The following NRXN1 variants were observed in gnomAD, a reference collection of about 807,000 sequenced individuals.
NRXN1 encodes neurexin 1.
Under a neutral mutation model 150.9 loss-of-function variants are expected in NRXN1, and 39 were observed. The ratio of observed to expected loss-of-function variants is 0.26; its 90% CI spans 0.20 to 0.34. The LOEUF is 0.34. Ranked by LOEUF, NRXN1 falls within the 10% of genes least tolerant of loss-of-function variation. The pLI, the probability that NRXN1 is intolerant of heterozygous loss-of-function variation, is 1.00. For missense variants in NRXN1, 1,815 were observed against 1,949.9 expected (o/e 0.93, Z 1.30); for synonymous variants, 924 against 757.0 (o/e 1.22, Z -3.62).
At chr2:50,973,883 G>A (rs1258241036) in intron 2 of NRXN1, among the ~76,000 whole-genome samples, 1 of 152,006 alleles carries the variant, frequency 6.6e-6, no homozygotes. Context: ...TGTAGTGACT[G>A]ATTCAATTAA....
At chr2:50,681,151 GCA>G (rs1280102863) in intron 5 of NRXN1, among the ~76,000 whole-genome samples, 1 of 152,180 alleles carries the variant, frequency 6.6e-6, no homozygotes, top group East Asian at 1.9e-4. Context: ...GGCAGATAAT[GCA>G]CAGACTCTAA....
At chr2:50,371,550 A>T (rs1016465717) in intron 17 of NRXN1, among the ~76,000 whole-genome samples, 4 of 152,084 alleles carry the variant, frequency 2.6e-5, no homozygotes, top group African/African-American at 9.7e-5. Flanking sequence ...TAAGTGATTT[A>T]TTCAGAGTTG....
intron 19 of NRXN1, among the ~76,000 whole-genome samples, chr2:50,056,564 A>G (rs1393796226): frequency 1.3e-5 from 2 of 152,142 alleles, no homozygotes; most frequent in East Asian, 3.9e-4. Context: ...GTTTTGTTAA[A>G]CTAATAATTT....
chr2:50,057,344 T>C (rs935755218), intron 19 of NRXN1, among the ~76,000 whole-genome samples: 2 of 152,190 alleles, frequency 1.3e-5, no homozygotes, highest in East Asian at 3.9e-4. Context: ...CTCTCCCTTG[T>C]TCCCACCTCA....
At chr2:50,940,183 G>T (rs769442530) in intron 2 of NRXN1, among the ~76,000 whole-genome samples, 1 of 151,962 alleles carries the variant, frequency 6.6e-6, no homozygotes, top group Non-Finnish European at 1.5e-5. Context: ...TTATTTAAAA[G>T]ATAAGAAAAC....
intron 17 of NRXN1, among the ~76,000 whole-genome samples, chr2:50,403,253 G>C (rs1278031125): frequency 6.6e-6 from 1 of 152,128 alleles, no homozygotes; most frequent in Non-Finnish European, 1.5e-5. Flanking sequence ...GGGTAAAGGA[G>C]ATTAAGGTGC....
At position 49,949,004 on chromosome 2, in the gene NRXN1, G is replaced by A. The variant is rs72885889; in HGVS notation, c.4129-5213C>T. ...GTAAGCATCTCTTCTTGTTGAAAAT[G>A]TGCACTAAAATCTAAGTCTCTATAC... On this transcript the variant is annotated intron_variant, in intron 21 of 22. Transcript: ENST00000401669. Among the ~76,000 whole-genome samples the A allele has an allele frequency of 5.7e-3, 868 of 152,132 alleles. 7 individuals carry two copies. Among genetic ancestry groups the A allele is most frequent in the African/African-American group, 0.02 (839 of 41,552 alleles).
intron 18 of NRXN1, among the ~76,000 whole-genome samples, chr2:50,202,821 T>A (rs1355372687): frequency 6.6e-6 from 1 of 152,108 alleles, no homozygotes. Context: ...ATTCTTAAGA[T>A]GTGAAAATGC....
intron 5 of NRXN1, among the ~76,000 whole-genome samples, chr2:50,719,721 C>T (rs1225308111): frequency 6.6e-6 from 1 of 152,106 alleles, no homozygotes; most frequent in Non-Finnish European, 1.5e-5. Flanking sequence ...AATCATTTTT[C>T]ATTGGATTTA....
At position 50,610,478 on chromosome 2, in the gene NRXN1, C is replaced by T. The variant is rs183139318; in HGVS notation, c.1320+9544G>A. On this transcript the variant is annotated intron_variant, in intron 8 of 22. Coordinates refer to ENST00000401669, the MANE Select transcript of NRXN1 (RefSeq NM_001330078.2). ...TCCTCTGCAAAGCTAATTACAGCTT[C>T]CATTGTATTATTAGAGAAATTTTTC... Among the ~76,000 whole-genome samples the T allele has an allele frequency of 1.2e-3, 185 of 150,770 alleles. 2 individuals carry two copies. Among genetic ancestry groups the T allele is most frequent in the African/African-American group, 4.3e-3 (175 of 41,074 alleles).
chr2:50,480,377 T>C (rs2090372078), intron 15 of NRXN1, among the ~76,000 whole-genome samples: 1 of 152,124 alleles, frequency 6.6e-6, no homozygotes, highest in Admixed American at 6.5e-5. Context: ...TGGCCTTCTG[T>C]TTCATTCTGG....
chr2:50,648,064 A>G (rs1685081565), intron 5 of NRXN1, among the ~76,000 whole-genome samples: 1 of 152,036 alleles, frequency 6.6e-6, no homozygotes, highest in African/African-American at 2.4e-5. Flanking sequence ...AAAGTTAATA[A>G]TATTAAATAA....
chr2:50,661,659 C>A (rs965652826), intron 5 of NRXN1, among the ~76,000 whole-genome samples: 9 of 152,016 alleles, frequency 5.9e-5, no homozygotes, highest in Non-Finnish European at 1.0e-4. Context: ...ATCAATATAC[C>A]TTCATAAAAT....
intron 19 of NRXN1, among the ~76,000 whole-genome samples, chr2:50,057,218 G>A (rs759680282): frequency 4.6e-5 from 7 of 151,874 alleles, no homozygotes; most frequent in Admixed American, 1.3e-4. Flanking sequence ...CCCCTCTCAC[G>A]GCCATCACTG....
chr2:49,991,613 C>G (rs1681975553), intron 21 of NRXN1, among the ~76,000 whole-genome samples: 1 of 152,010 alleles, frequency 6.6e-6, no homozygotes, highest in African/African-American at 2.4e-5. Context: ...ATGGATAGAA[C>G]TAAATAAATG....
At chr2:50,568,862 G>C (rs747924681) in intron 8 of NRXN1, among the ~76,000 whole-genome samples, 3 of 152,028 alleles carry the variant, frequency 2.0e-5, no homozygotes, top group Non-Finnish European at 4.4e-5. Flanking sequence ...TGAAACACTA[G>C]TCACAATAGC....
chr2:50,576,768 T>C (rs957842761), intron 8 of NRXN1, among the ~76,000 whole-genome samples: 2 of 152,090 alleles, frequency 1.3e-5, no homozygotes, highest in Non-Finnish European at 2.9e-5. Flanking sequence ...TAAAGCATTG[T>C]CAATTTATAT....
chr2:49,963,740 C>T (rs1414462222), intron 21 of NRXN1, among the ~76,000 whole-genome samples: 1 of 152,168 alleles, frequency 6.6e-6, no homozygotes, highest in Non-Finnish European at 1.5e-5. Context: ...CAAACTCAGG[C>T]AGTTTCTCAA....
At chr2:50,141,634 G>C (rs1055362362) in intron 18 of NRXN1, among the ~76,000 whole-genome samples, 1 of 151,896 alleles carries the variant, frequency 6.6e-6, no homozygotes, top group African/African-American at 2.4e-5. Context: ...ACACGTTAAA[G>C]AGTGGACAAA....
Sources: allele counts gnomAD v4.1 joint callset (sites outside exome capture counted in the v4.1 genomes callset), GRCh38; gene constraint gnomAD v4.1.1; transcripts MANE v1.5; gene names NCBI Gene and HGNC (gene_info 2026-07-23, HGNC 2026-07-21).